The following TRPM3 variants were observed in gnomAD, a reference collection of about 807,000 sequenced individuals.
TRPM3 encodes the protein transient receptor potential cation channel subfamily M member 3.
TRPM3 carries 77 observed loss-of-function variants against 181.2 expected under a neutral mutation model. That is an observed-to-expected ratio of 0.42 (90% CI 0.35 to 0.51). TRPM3 has a LOEUF of 0.51. Ranked by LOEUF, TRPM3 falls within the 20% of genes least tolerant of loss-of-function variation. The pLI, the probability that TRPM3 is intolerant of heterozygous loss-of-function variation, is 0.01. For missense variants in TRPM3, 1,759 were observed against 2,196.7 expected (o/e 0.80, Z 3.98); for synonymous variants, 745 against 796.4 (o/e 0.94, Z 1.09).
intron 1 of TRPM3, among the ~76,000 whole-genome samples, chr9:71,156,102 T>C (rs1392299579): frequency 6.6e-6 from 1 of 152,104 alleles, no homozygotes; most frequent in African/African-American, 2.4e-5. Flanking sequence ...AATCTATAAA[T>C]TGCCATATTC....
chr9:71,329,763 G>T (rs1231229642), intron 1 of TRPM3, among the ~76,000 whole-genome samples: 3 of 152,068 alleles, frequency 2.0e-5, no homozygotes, highest in African/African-American at 7.2e-5. Context: ...TATATGCCTG[G>T]CCCTAGGATT....
At chr9:70,569,299 A>C (rs953556507) in intron 22 of TRPM3, among the ~76,000 whole-genome samples, 23 of 152,182 alleles carry the variant, frequency 1.5e-4, no homozygotes, top group African/African-American at 5.5e-4. Flanking sequence ...AGGCATAGCT[A>C]TGTGCACCTA....
At chr9:71,396,246 C>T (rs117131591) in intron 1 of TRPM3, among the ~76,000 whole-genome samples, 6 of 150,998 alleles carry the variant, frequency 4.0e-5, no homozygotes, top group Non-Finnish European at 7.4e-5. Flanking sequence ...AGAACTACTG[C>T]TCTTCAGTTA....
Position 70,603,432 on chromosome 9 carries a change from G to A in TRPM3, c.2706C>T (p.Ile902=), listed in dbSNP as rs770872973. The A allele has an allele frequency of 2.0e-5, 32 of 1,613,998 alleles. No individual in the cohort carries two copies. The highest frequency in any genetic ancestry group is 4.4e-5 in the South Asian group (4 of 91,072). ...YIGYLMLFNY[I]VLVKMERWPS... ...GCCAGCGTTCCATCTTCACTAACACGATATAGTTGAAGAGCATCAGGTATC... is the reference window on the plus strand; with the variant it reads ...GCCAGCGTTCCATCTTCACTAACACAATATAGTTGAAGAGCATCAGGTATC... Residue 902 remains isoleucine (I), a synonymous_variant, in exon 20 of 26, where the codon ATC becomes ATT. Transcript: ENST00000677713.
At chr9:70,981,323 A>C (rs914085096) in intron 1 of TRPM3, among the ~76,000 whole-genome samples, 32 of 152,222 alleles carry the variant, frequency 2.1e-4, no homozygotes, top group African/African-American at 7.2e-4. Flanking sequence ...CCTGCAGAAA[A>C]TTTCCTAATA....
At chr9:70,657,044 G>C (rs892904588) in intron 9 of TRPM3, among the ~76,000 whole-genome samples, 1 of 151,418 alleles carries the variant, frequency 6.6e-6, no homozygotes, top group Non-Finnish European at 1.5e-5. Context: ...GGACGTTCAG[G>C]ACAAACCAGG....
In TRPM3 at chr9:70,534,019, C is replaced by A. The variant is rs1012053895; in HGVS notation, c.*1934G>T. The A allele has an allele frequency of 1.3e-5, 2 of 152,116 alleles. No individual in the cohort carries two copies. Among genetic ancestry groups the A allele is most frequent in the African/African-American group, 4.8e-5 (2 of 41,422 alleles). 9.4% of individuals were successfully genotyped at this position (152,116 alleles called of 1,614,324 possible). ...ACCAGGTAGTATCTCAGGCCAGGAA[C>A]AATAGATTGTTTTCCTTAAAGGCTT... On this transcript the variant is annotated 3_prime_UTR_variant, in exon 26 of 26. Transcript: ENST00000677713.
At chr9:70,695,822 C>A (rs1234860864) in intron 8 of TRPM3, among the ~76,000 whole-genome samples, 2 of 152,160 alleles carry the variant, frequency 1.3e-5, no homozygotes, top group Non-Finnish European at 2.9e-5. Context: ...GACCTTGACG[C>A]CGGAGAGGTT....
intron 1 of TRPM3, among the ~76,000 whole-genome samples, chr9:71,008,775 G>A (rs571347130): frequency 1.3e-5 from 2 of 152,306 alleles, no homozygotes; most frequent in East Asian, 3.9e-4. Context: ...AACCCAGGAG[G>A]CGGAGGTTGC....
At chr9:70,994,826 G>T (rs1387326386) in intron 1 of TRPM3, among the ~76,000 whole-genome samples, 1 of 152,146 alleles carries the variant, frequency 6.6e-6, no homozygotes, top group Non-Finnish European at 1.5e-5. Flanking sequence ...AGCCTCTTTG[G>T]ATGTCAGAAA....
chr9:71,145,373 T>C (rs1284001598), intron 1 of TRPM3, among the ~76,000 whole-genome samples: 1 of 152,170 alleles, frequency 6.6e-6, no homozygotes, highest in Non-Finnish European at 1.5e-5. Context: ...CCCTTTCCTT[T>C]TCCGGTACCA....
chr9:71,013,883 T>C lies in TRPM3; in HGVS notation c.177+107295A>G, dbSNP rs7871509. On this transcript the variant is annotated intron_variant, in intron 1 of 25. Coordinates refer to ENST00000677713, the MANE Select transcript of TRPM3 (RefSeq NM_001366145.2). ...ACCTATATTTTTAAGAACTGGCTTT[T>C]CACTTATTTCTTAATTCTACTGTTC... Among the ~76,000 whole-genome samples, 1,382 of 152,176 alleles carry C rather than the reference T, an allele frequency of 9.1e-3. 23 individuals carry two copies. The highest frequency in any genetic ancestry group is 0.03 in the African/African-American group (1,241 of 41,560).
intron 1 of TRPM3, among the ~76,000 whole-genome samples, chr9:71,131,596 T>C (rs184094118): frequency 6.1e-4 from 93 of 152,288 alleles, no homozygotes; most frequent in African/African-American, 2.2e-3. Context: ...TTGCAAGTCA[T>C]TTAGCATTCC....
chr9:71,404,523 C>G (rs1212168134), intron 1 of TRPM3, among the ~76,000 whole-genome samples: 3 of 152,188 alleles, frequency 2.0e-5, no homozygotes, highest in African/African-American at 7.2e-5. Flanking sequence ...TCTCCTTCCT[C>G]TTATCTCTAT....
chr9:70,917,385 T>C, intron 1 of TRPM3: 1 of 920,318 alleles, frequency 1.1e-6, no homozygotes, highest in African/African-American at 1.6e-5. Context: ...ACCACTCTCT[T>C]CCAAGAGCTC....
At chr9:70,996,971 T>G (rs1262553347) in intron 1 of TRPM3, among the ~76,000 whole-genome samples, 2 of 152,198 alleles carry the variant, frequency 1.3e-5, no homozygotes, top group African/African-American at 4.8e-5. Context: ...AATACGAGTT[T>G]ATGACTCCTG....
intron 1 of TRPM3, among the ~76,000 whole-genome samples, chr9:70,867,865 G>C (rs531096293): frequency 1.1e-4 from 17 of 152,062 alleles, no homozygotes; most frequent in African/African-American, 3.9e-4. Flanking sequence ...ATACTGGTTT[G>C]TTTCCTAAAC....
chr9:70,793,469 A>AT (rs1554710192), intron 6 of TRPM3: 3,820 of 122,776 alleles, frequency 0.031, 63 homozygotes, highest in East Asian at 0.054. Flanking sequence ...AAAAAAAAAA[A>AT]ATATATATAT....
chr9:71,324,897 A>G (rs901010329), intron 1 of TRPM3, among the ~76,000 whole-genome samples: 3 of 152,150 alleles, frequency 2.0e-5, no homozygotes, highest in South Asian at 2.1e-4. Flanking sequence ...AAATTTGAAT[A>G]CATGGAGGTA....
Sources: gnomAD v4.1 joint callset for allele counts (sites outside exome capture counted in the v4.1 genomes callset) on GRCh38, gnomAD v4.1.1 for gene constraint, MANE v1.5 for transcripts, NCBI Gene and HGNC (gene_info 2026-07-23, HGNC 2026-07-21) for gene names.